The following FAM118B variants were observed in gnomAD, a reference collection of about 807,000 sequenced individuals.
The protein encoded by FAM118B is protein FAM118B.
A neutral mutation model predicts 38.5 loss-of-function variants in FAM118B; 24 were observed. The observed-to-expected ratio is 0.62, with a 90% CI of 0.45 to 0.88. The LOEUF is 0.88. FAM118B is among the 40% of genes least tolerant of loss of function. FAM118B has a pLI of 0.00. For synonymous variants in FAM118B, 138 were observed against 156.3 expected, an observed-to-expected ratio of 0.88 and a Z score of 0.87; for missense variants, 334 against 420.0, an observed-to-expected ratio of 0.80 and a Z score of 1.79.
Position 126,255,848 on chromosome 11 carries a change from G to C in FAM118B, c.697-719G>C, listed in dbSNP as rs1950570544. Among the ~76,000 whole-genome samples, 1 of 152,050 alleles carries C rather than the reference G, an allele frequency of 6.6e-6. No homozygotes were observed. ...GGTGCCTGTAATGCCAGCTACTTGG[G>C]AGTCTGAGGCAGGAGAATCGCTTGA... On this transcript the variant is annotated intron_variant, in intron 6 of 8. Transcript: ENST00000533050. The surrounding 1 kb of genome is among the most constrained non-coding windows in gnomAD (Gnocchi z 4.6).
In FAM118B at chr11:126,235,093, C is replaced by T; in HGVS notation, c.86+6C>T. On this transcript the variant is annotated splice_donor_region_variant and intron_variant, in intron 3 of 8. Transcript: ENST00000533050. The stretch of plus-strand genomic sequence containing the variant: ...CCTCCCACCAAAAAGCCCAGGTAAA[C>T]AAGAGAAGGGAATCAGCAGAGTAAA... The T allele has an allele frequency of 6.2e-7, 1 of 1,613,134 alleles. No homozygotes were observed. The highest frequency in any genetic ancestry group is 1.1e-5 in the South Asian group (1 of 91,014).
intron 2 of FAM118B, among the ~76,000 whole-genome samples, chr11:126,234,061 A>C (rs538231099): frequency 1.1e-4 from 17 of 152,340 alleles, no homozygotes; most frequent in African/African-American, 3.8e-4. Flanking sequence ...TAGCCTGGAC[A>C]ACAGAGCAAG....
At chr11:126,226,635 ACTACC>A (rs1008551428) in intron 1 of FAM118B, among the ~76,000 whole-genome samples, 1 of 152,250 alleles carries the variant, frequency 6.6e-6, no homozygotes, top group African/African-American at 2.4e-5. Context: ...AGGAAATGCA[ACTACC>A]TCTTTTGGCC....
At chr11:126,257,573 C>CA (rs1950598278) in intron 7 of FAM118B, among the ~76,000 whole-genome samples, 2 of 149,892 alleles carry the variant, frequency 1.3e-5, no homozygotes, top group Non-Finnish European at 3.0e-5. Context: ...GTTGTAAATA[C>CA]CATGGTCAGC....
rs533580069 is a variant in FAM118B at position 126,214,759 on chromosome 11, C to T, written c.-77+2929C>T. Among the ~76,000 whole-genome samples, 18 of 151,786 alleles carry T rather than the reference C, an allele frequency of 1.2e-4. No individual in the cohort carries two copies. The South Asian group carries it at 3.5e-3, about 30-fold the overall frequency. Reference sequence around the variant, plus strand: ...ATTTTGATATATCATAATATGTGCCCCTAAAGTAACCATATAAAGAAGAAC... The same window carrying T: ...ATTTTGATATATCATAATATGTGCCTCTAAAGTAACCATATAAAGAAGAAC... On this transcript the variant is annotated intron_variant, in intron 1 of 8. Transcript: ENST00000533050.
intron 3 of FAM118B, among the ~76,000 whole-genome samples, chr11:126,237,823 C>T (rs1950299983): frequency 7.2e-6 from 1 of 139,186 alleles, no homozygotes. Context: ...TGTCACTGCA[C>T]TCCAGCCTGG....
rs922068465 is a variant in FAM118B, at chr11:126,255,046, T to C, written c.696+613T>C. Among the ~76,000 whole-genome samples, 26 of 152,232 alleles carry C rather than the reference T, an allele frequency of 1.7e-4. No homozygotes were observed. The highest frequency in any genetic ancestry group is 2.2e-4 in the Non-Finnish European group (15 of 68,046). On this transcript the variant is annotated intron_variant, in intron 6 of 8. Coordinates refer to ENST00000533050, the MANE Select transcript of FAM118B (RefSeq NM_024556.4). The surrounding 1 kb of genome is among the most constrained non-coding windows in gnomAD (Gnocchi z 4.6). ...CCTTTATCATCATTTGGTTTATTAA[T>C]AGCCCTCTCTGTGTCAGAAATAATT...
intron 7 of FAM118B, among the ~76,000 whole-genome samples, chr11:126,258,827 TA>T (rs1309390068): frequency 2.6e-5 from 4 of 152,236 alleles, no homozygotes; most frequent in South Asian, 4.1e-4. Flanking sequence ...TCTGTTGCAC[TA>T]AATCTTAGCA....
intron 4 of FAM118B, among the ~76,000 whole-genome samples, chr11:126,247,746 T>C (rs1049215236): frequency 6.6e-6 from 1 of 151,300 alleles, no homozygotes; most frequent in Non-Finnish European, 1.5e-5. Context: ...TAATCCCAGC[T>C]ACTCGGGAGG....
intron 7 of FAM118B, among the ~76,000 whole-genome samples, chr11:126,257,550 GAAGAAA>G (rs1950597596): frequency 1.3e-5 from 2 of 149,076 alleles, no homozygotes; most frequent in Non-Finnish European, 3.0e-5. Context: ...ATGAGTAAAG[GAAGAAA>G]AAGCAGGTTG....
chr11:126,241,456 A>G (rs1950356285), intron 4 of FAM118B, among the ~76,000 whole-genome samples: 1 of 152,212 alleles, frequency 6.6e-6, no homozygotes, highest in Non-Finnish European at 1.5e-5. Flanking sequence ...TTTAGAGGTA[A>G]TAAGTCAAAA....
At position 126,262,357 on chromosome 11, in the gene FAM118B, G is replaced by A. The variant is rs1950718587; in HGVS notation, c.*224G>A. On this transcript the variant is annotated 3_prime_UTR_variant, in exon 9 of 9. Transcript: ENST00000533050. Reference sequence around the variant, plus strand: ...TTCAAGTTCAAGAATAAAAGCGACAGCAGGACCCAAATGCAGCTCCCAACC... The same window carrying A: ...TTCAAGTTCAAGAATAAAAGCGACAACAGGACCCAAATGCAGCTCCCAACC... The A allele has an allele frequency of 5.2e-6, 3 of 571,460 alleles. No homozygotes were observed. The highest frequency in any genetic ancestry group is 3.2e-5 in the Admixed American group (1 of 31,464). 35.4% of individuals were successfully genotyped at this position (571,460 alleles called of 1,614,324 possible).
intron 1 of FAM118B, among the ~76,000 whole-genome samples, 175 bp from the exon 2 acceptor site, chr11:126,229,050 C>T (rs1250803051): frequency 6.6e-6 from 1 of 152,140 alleles, no homozygotes; most frequent in African/African-American, 2.4e-5. Context: ...GTTAAGGACT[C>T]ACTAGAGTCC....
chr11:126,233,631 C>T (rs2135153522), intron 2 of FAM118B: 1 of 421,848 alleles, frequency 2.4e-6, no homozygotes, highest in East Asian at 7.2e-5. Context: ...ACATGATCTA[C>T]TTCCTAACTC....
At chr11:126,228,199 TTTTTGG>T (rs1272809985) in intron 1 of FAM118B, among the ~76,000 whole-genome samples, 2 of 151,984 alleles carry the variant, frequency 1.3e-5, no homozygotes, top group Non-Finnish European at 2.9e-5. Context: ...AACATTTTTT[TTTTTGG>T]TTTTGTTTTT....
At chr11:126,248,654 G>A (rs1025069800) in intron 4 of FAM118B, among the ~76,000 whole-genome samples, 3 of 152,138 alleles carry the variant, frequency 2.0e-5, no homozygotes, top group Non-Finnish European at 4.4e-5. Flanking sequence ...ACAGGCGTGA[G>A]CCAGCACGCC....
In FAM118B at chr11:126,237,215, C is replaced by CTTTTTTT. The variant is rs34631802; in HGVS notation, c.86+2145_86+2151dup. Among the ~76,000 whole-genome samples the CTTTTTTT allele has an allele frequency of 9.7e-4, 42 of 43,108 alleles. 6 individuals are homozygous for CTTTTTTT. Among genetic ancestry groups the CTTTTTTT allele is most frequent in the African/African-American group, 1.1e-3 (13 of 11,926 alleles). 28.3% of individuals were successfully genotyped at this position (43,108 alleles called of 152,430 possible). A position where few individuals can be genotyped will look rare whatever the true frequency, so the allele number is the denominator to read the frequency against. On this transcript the variant is annotated intron_variant, in intron 3 of 8. Transcript: ENST00000533050. ...ACAGACGTGAGCCACCGCGCCTGGC[C>CTTTTTTT]TTTTTTTTTTTTTTTTTTTTTTTGA...
chr11:126,242,973 A>G (rs751385067), intron 4 of FAM118B, among the ~76,000 whole-genome samples: 1 of 152,260 alleles, frequency 6.6e-6, no homozygotes, highest in Non-Finnish European at 1.5e-5. Context: ...TCAAATGTCT[A>G]GTTCATGAAT....
At position 126,227,588 on chromosome 11, in the gene FAM118B, T is replaced by G. The variant is rs115648480; in HGVS notation, c.-76-1637T>G. On this transcript the variant is annotated intron_variant, in intron 1 of 8. Transcript: ENST00000533050. Reference sequence around the variant, plus strand: ...TCATGTTGTAAAACATTTATTTTCCTTTTAATTCTAAGAATAACTGTAACA... The same window carrying G: ...TCATGTTGTAAAACATTTATTTTCCGTTTAATTCTAAGAATAACTGTAACA... Among the ~76,000 whole-genome samples, 589 of 152,310 alleles carry G rather than the reference T, an allele frequency of 3.9e-3. 5 individuals are homozygous for G. The highest frequency in any genetic ancestry group is 0.014 in the African/African-American group (565 of 41,562).
Sources: gnomAD v4.1 joint callset for allele counts (sites outside exome capture counted in the v4.1 genomes callset) on GRCh38, gnomAD v4.1.1 for gene constraint, Gnocchi (gnomAD v3.1) non-coding constraint, MANE v1.5 for transcripts, NCBI Gene and HGNC (gene_info 2026-07-23, HGNC 2026-07-21) for gene names.